The following RYR2 variants were observed in gnomAD, a reference collection of about 807,000 sequenced individuals.
RYR2 encodes cardiac muscle ryanodine receptor-calcium release channel.
In RYR2, 227 loss-of-function variants were observed where a neutral mutation model predicts 601.1. The ratio of observed to expected loss-of-function variants is 0.38; its 90% confidence interval spans 0.34 to 0.42. The LOEUF (loss-of-function observed/expected upper bound fraction) is 0.42, where lower values mean the gene tolerates loss of function less well. Among genes scored for constraint, RYR2 ranks in the 10% least tolerant of loss-of-function variants. RYR2 has a pLI of 1.00. For synonymous variants in RYR2, 2,223 were observed against 2,175.1 expected (o/e 1.02, Z -0.61); for missense variants, 4,646 against 6,156.5 (o/e 0.75, Z 8.21).
At chr1:237,159,828 T>C (rs1464482714) in intron 1 of RYR2, among the ~76,000 whole-genome samples, 2 of 152,250 alleles carry the variant, frequency 1.3e-5, no homozygotes, top group Non-Finnish European at 2.9e-5. Flanking sequence ...AACCATCTTT[T>C]AAGGCCTATA....
intron 32 of RYR2, among the ~76,000 whole-genome samples, chr1:237,593,020 CAA>C (rs34581689): frequency 1.2e-4 from 14 of 113,838 alleles, no homozygotes; most frequent in Admixed American, 8.8e-5. Context: ...GAGTCTATCT[CAA>C]AAAAAAAAAA....
chr1:237,321,448 CG>C (rs571959000), intron 2 of RYR2, among the ~76,000 whole-genome samples: 28 of 152,158 alleles, frequency 1.8e-4, no homozygotes, highest in African/African-American at 6.5e-4. Context: ...AACATGATTC[CG>C]ATATACTTCT....
chr1:237,340,247 C>T (rs576584370), intron 3 of RYR2, among the ~76,000 whole-genome samples: 46 of 152,230 alleles, frequency 3.0e-4, no homozygotes, highest in African/African-American at 8.4e-4. Flanking sequence ...AAATAGAAAG[C>T]GCATGTCCAT....
intron 27 of RYR2, among the ~76,000 whole-genome samples, chr1:237,561,621 T>A (rs920949685): frequency 1.3e-5 from 2 of 152,070 alleles, no homozygotes; most frequent in African/African-American, 4.8e-5. Flanking sequence ...AGGGTACAGA[T>A]GGGCAGAGAG....
At chr1:237,494,309 T>C (rs1441540570) in intron 19 of RYR2, among the ~76,000 whole-genome samples, 2 of 152,116 alleles carry the variant, frequency 1.3e-5, no homozygotes, top group African/African-American at 2.4e-5. Flanking sequence ...AAACCACTGC[T>C]AAGTCCAAGA....
intron 25 of RYR2, among the ~76,000 whole-genome samples, chr1:237,546,636 C>G (rs931613631): frequency 6.6e-6 from 1 of 152,054 alleles, no homozygotes; most frequent in African/African-American, 2.4e-5. Context: ...CTGCCTCGGC[C>G]TCCCAAAGTG....
intron 56 of RYR2, among the ~76,000 whole-genome samples, chr1:237,664,827 G>C (rs1476507922): frequency 6.6e-6 from 1 of 152,194 alleles, no homozygotes; most frequent in Admixed American, 6.5e-5. Flanking sequence ...GCTGGGGACA[G>C]CAAGGAGAGA....
chr1:237,669,191 G>A (rs1573435351), intron 58 of RYR2, among the ~76,000 whole-genome samples: 1 of 145,584 alleles, frequency 6.9e-6, no homozygotes, highest in East Asian at 2.0e-4. Flanking sequence ...ACAGGGTTGG[G>A]GGTAAGGTCA....
chr1:237,300,814 ATC>A (rs1172703191), intron 2 of RYR2, among the ~76,000 whole-genome samples: 1 of 152,082 alleles, frequency 6.6e-6, no homozygotes, highest in African/African-American at 2.4e-5. Context: ...GGGGATTCCA[ATC>A]TTCACTCCCA....
intron 16 of RYR2, among the ~76,000 whole-genome samples, chr1:237,457,598 C>T (rs1658988760): frequency 6.6e-6 from 1 of 152,162 alleles, no homozygotes; most frequent in African/African-American, 2.4e-5. Context: ...GCACATGCAG[C>T]TAGTTGAGTT....
chr1:237,619,408 G>A (rs1439990413), intron 38 of RYR2, among the ~76,000 whole-genome samples: 3 of 152,128 alleles, frequency 2.0e-5, no homozygotes, highest in Non-Finnish European at 2.9e-5. Context: ...AGGCTTAAAA[G>A]CAGAATGAAG....
chr1:237,299,475 G>A (rs1231624355), intron 2 of RYR2, among the ~76,000 whole-genome samples: 1 of 152,100 alleles, frequency 6.6e-6, no homozygotes, highest in African/African-American at 2.4e-5. Flanking sequence ...AACTATCAAA[G>A]CTCTGCAATA....
At chr1:237,055,006 G>A (rs959329464) in intron 1 of RYR2, among the ~76,000 whole-genome samples, 2 of 152,132 alleles carry the variant, frequency 1.3e-5, no homozygotes, top group Admixed American at 6.5e-5. Flanking sequence ...TCAGATCCAG[G>A]GCTGGGGACA....
chr1:237,638,304 T>TC, intron 44 of RYR2, 53 bp from the exon 45 acceptor site: 2 of 1,611,184 alleles, frequency 1.2e-6, no homozygotes, highest in Non-Finnish European at 1.7e-6. Flanking sequence ...AATGTAAGCA[T>TC]CTAATGAGTT....
intron 1 of RYR2, among the ~76,000 whole-genome samples, chr1:237,104,374 A>C (rs1668443117): frequency 6.6e-6 from 1 of 152,080 alleles, no homozygotes; most frequent in Non-Finnish European, 1.5e-5. Flanking sequence ...ACCATCTTCC[A>C]AAAAACTCTG....
In RYR2 at chr1:237,408,799, C is replaced by G. The variant is rs1017746525; in HGVS notation, c.774-8250C>G. ...TGATGTCTTGAAATATTGAGTCTTC[C>G]TATCCATGAACATGGAATAGCTCTC... On this transcript the variant is annotated intron_variant, in intron 10 of 104. Coordinates refer to ENST00000366574, the MANE Select transcript of RYR2 (RefSeq NM_001035.3). Among the ~76,000 whole-genome samples the G allele has an allele frequency of 2.6e-5, 4 of 152,124 alleles. No homozygotes were observed. In the South Asian group the frequency reaches 8.3e-4, roughly 32 times the overall value.
chr1:237,309,052 TG>T (rs1694232508), intron 2 of RYR2, among the ~76,000 whole-genome samples: 1 of 152,120 alleles, frequency 6.6e-6, no homozygotes, highest in Admixed American at 6.5e-5. Flanking sequence ...GGGTGCTGAT[TG>T]GTGTGTTTAC....
chr1:237,348,174 C>T (rs564977358), intron 3 of RYR2, among the ~76,000 whole-genome samples: 6 of 152,038 alleles, frequency 3.9e-5, no homozygotes, highest in Admixed American at 1.3e-4. Context: ...ATTATTATTA[C>T]GAGACAGGGT....
At chr1:237,625,060 T>C (rs1419008940) in intron 39 of RYR2, among the ~76,000 whole-genome samples, 1 of 152,004 alleles carries the variant, frequency 6.6e-6, no homozygotes, top group East Asian at 1.9e-4. Context: ...ATATTTTTTT[T>C]TTTCTACAAG....
Sources: gnomAD v4.1 joint callset for allele counts (sites outside exome capture counted in the v4.1 genomes callset) on GRCh38, gnomAD v4.1.1 for gene constraint, MANE v1.5 for transcripts, NCBI Gene and HGNC (gene_info 2026-07-23, HGNC 2026-07-21) for gene names.